NDST3: variants seen among roughly 807,000 people sequenced by gnomAD.
NDST3 encodes the protein N-deacetylase and N-sulfotransferase 3.
Under a neutral mutation model 96.1 loss-of-function variants are expected in NDST3, and 58 were observed. The ratio of observed to expected loss-of-function variants is 0.60; its 90% confidence interval spans 0.49 to 0.75. NDST3 has a LOEUF of 0.75. Among genes scored for constraint, NDST3 ranks in the 30% least tolerant of loss-of-function variants. NDST3 has a pLI of 0.00. For missense variants in NDST3, 788 were observed against 1,034.2 expected (o/e 0.76, Z 3.27); for synonymous variants, 333 against 359.7 (o/e 0.93, Z 0.84).
chr4:118,087,240 T>G (rs965801300), intron 2 of NDST3, among the ~76,000 whole-genome samples: 3 of 152,178 alleles, frequency 2.0e-5, no homozygotes, highest in Non-Finnish European at 4.4e-5. Context: ...ATCACATAGA[T>G]GATATGTAAA....
At position 118,178,497 on chromosome 4, in the gene NDST3, G is replaced by A. The variant is rs1433609208; in HGVS notation, c.1539+34813G>A. On this transcript the variant is annotated intron_variant, in intron 6 of 13. Coordinates refer to ENST00000296499, the MANE Select transcript of NDST3 (RefSeq NM_004784.3). ...ATCCTCAAGGTTCATTGATGTTATC[G>A]CATGTGTCAGAATTTTCTTCCTTTT... Among the ~76,000 whole-genome samples, 14 of 151,960 alleles carry A rather than the reference G, an allele frequency of 9.2e-5. No individual in the cohort carries two copies. In the South Asian group the frequency reaches 2.3e-3, roughly 25 times the overall value.
chr4:118,083,748 G>A (rs1406716007), intron 2 of NDST3, among the ~76,000 whole-genome samples: 4 of 152,132 alleles, frequency 2.6e-5, no homozygotes, highest in Non-Finnish European at 5.9e-5. Context: ...CATAAAGAAT[G>A]CATTATTTTT....
At chr4:118,254,223 C>T (rs1019067808) in intron 13 of NDST3, among the ~76,000 whole-genome samples, 2 of 137,440 alleles carry the variant, frequency 1.5e-5, no homozygotes, top group African/African-American at 5.6e-5. Context: ...CCAGCCTGGG[C>T]AGCAAGAGTG....
At chr4:118,198,579 A>T (rs899659070) in intron 6 of NDST3, among the ~76,000 whole-genome samples, 17 of 152,290 alleles carry the variant, frequency 1.1e-4, no homozygotes, top group African/African-American at 3.6e-4. Flanking sequence ...TCCTTAAATA[A>T]CAGTAGTTTA....
At chr4:118,215,035 G>A (rs956169422) in intron 6 of NDST3, among the ~76,000 whole-genome samples, 1 of 152,072 alleles carries the variant, frequency 6.6e-6, no homozygotes, top group African/African-American at 2.4e-5. Context: ...TCTATTACAA[G>A]CACATAAAGA....
At chr4:118,129,203 T>G (rs1732389208) in intron 4 of NDST3, among the ~76,000 whole-genome samples, 1 of 151,986 alleles carries the variant, frequency 6.6e-6, no homozygotes, top group African/African-American at 2.4e-5. Flanking sequence ...GCTTTGATCT[T>G]TATTATTTCT....
At chr4:118,253,325 A>G (rs943690270) in intron 12 of NDST3, among the ~76,000 whole-genome samples, 174 bp from the exon 13 acceptor site, 3 of 152,208 alleles carry the variant, frequency 2.0e-5, no homozygotes, top group African/African-American at 7.2e-5. Context: ...ATGCCAAAAG[A>G]CTTTATGCAA....
At chr4:118,097,437 AAATT>A (rs1298440446) in intron 2 of NDST3, among the ~76,000 whole-genome samples, 2 of 151,968 alleles carry the variant, frequency 1.3e-5, no homozygotes, top group Non-Finnish European at 2.9e-5. Context: ...ATAAATAAAT[AAATT>A]AGAAACTACC....
intron 6 of NDST3, among the ~76,000 whole-genome samples, chr4:118,203,138 C>A (rs1246562355): frequency 6.6e-6 from 1 of 152,168 alleles, no homozygotes; most frequent in African/African-American, 2.4e-5. Flanking sequence ...TATGTTGAAC[C>A]AGCCTTGCAT....
chr4:118,234,832 C>T (rs1578853596), intron 9 of NDST3, among the ~76,000 whole-genome samples: 2 of 151,920 alleles, frequency 1.3e-5, no homozygotes, highest in East Asian at 3.9e-4. Context: ...GAGTTCCAGA[C>T]CAGCCTGGCC....
At chr4:118,101,953 G>T (rs1729801662) in intron 2 of NDST3, among the ~76,000 whole-genome samples, 1 of 152,128 alleles carries the variant, frequency 6.6e-6, no homozygotes, top group South Asian at 2.1e-4. Flanking sequence ...GAAAGCCCAT[G>T]ATATACTGTC....
intron 6 of NDST3, chr4:118,194,263 G>A: frequency 1.4e-6 from 1 of 725,178 alleles, no homozygotes; most frequent in South Asian, 1.5e-5. Context: ...CACCCTCATT[G>A]GGCCTGGGAT....
intron 4 of NDST3, among the ~76,000 whole-genome samples, chr4:118,121,957 C>T (rs899101526): frequency 2.6e-5 from 4 of 152,096 alleles, no homozygotes; most frequent in African/African-American, 9.7e-5. Flanking sequence ...CTTTTCCATC[C>T]TATGGGAAGA....
chr4:118,099,913 T>G lies in NDST3; in HGVS notation c.982-5105T>G, dbSNP rs372180063. Among the ~76,000 whole-genome samples the G allele has an allele frequency of 3.0e-4, 45 of 152,208 alleles. No homozygotes were observed. The East Asian group carries it at 6.8e-3, about 23-fold the overall frequency. Reference sequence around the variant, plus strand: ...CTAAGGTGGTCATTGGAGCACTTCATGGTGCTCCAGTGTCCTGCAGTCCAA... The same window carrying G: ...CTAAGGTGGTCATTGGAGCACTTCAGGGTGCTCCAGTGTCCTGCAGTCCAA... On this transcript the variant is annotated intron_variant, in intron 2 of 13. Coordinates refer to ENST00000296499, the MANE Select transcript of NDST3 (RefSeq NM_004784.3).
intron 4 of NDST3, among the ~76,000 whole-genome samples, chr4:118,133,184 AG>A (rs1485863908): frequency 3.9e-5 from 6 of 152,296 alleles, no homozygotes; most frequent in Non-Finnish European, 8.8e-5. Context: ...AAGTTTACCA[AG>A]GACCTTAGAG....
At chr4:118,078,506 C>A (rs1397559816) in intron 2 of NDST3, among the ~76,000 whole-genome samples, 2 of 152,144 alleles carry the variant, frequency 1.3e-5, no homozygotes, top group Admixed American at 6.5e-5. Context: ...AATCTCAGCA[C>A]TTTGGAAGGC....
intron 2 of NDST3, among the ~76,000 whole-genome samples, chr4:118,083,971 A>T (rs1728217347): frequency 6.6e-6 from 1 of 152,172 alleles, no homozygotes; most frequent in Non-Finnish European, 1.5e-5. Context: ...TCCATTGCCA[A>T]TGAGAACAAT....
At chr4:118,127,842 T>C (rs529077790) in intron 4 of NDST3, among the ~76,000 whole-genome samples, 8 of 152,230 alleles carry the variant, frequency 5.3e-5, no homozygotes, top group African/African-American at 1.7e-4. Flanking sequence ...ATCTTTTTAT[T>C]TTTTTGGTGT....
chr4:118,114,453 T>G (rs1030520935), intron 3 of NDST3, among the ~76,000 whole-genome samples: 3 of 152,314 alleles, frequency 2.0e-5, no homozygotes, highest in Middle Eastern at 3.4e-3. Flanking sequence ...TTGCTCATAT[T>G]TCCTAAATTA....
Sources: gnomAD v4.1 joint callset for allele counts (sites outside exome capture counted in the v4.1 genomes callset) on GRCh38, gnomAD v4.1.1 for gene constraint, MANE v1.5 for transcripts, NCBI Gene and HGNC (gene_info 2026-07-23, HGNC 2026-07-21) for gene names.